The following HAGH variants were observed in gnomAD, a reference collection of about 807,000 sequenced individuals.
HAGH encodes the protein hydroxyacylglutathione hydrolase, also known as hydroxyacylglutathione hydrolase, mitochondrial.
In HAGH, 29 loss-of-function variants were observed where a neutral mutation model predicts 35.1. The observed-to-expected ratio is 0.83, with a 90% CI of 0.62 to 1.13. The LOEUF (loss-of-function observed/expected upper bound fraction) is 1.13, where lower values mean the gene tolerates loss of function less well. Ranked by LOEUF, HAGH falls within the 50% of genes most tolerant of loss-of-function variation. HAGH has a pLI of 0.00. For missense variants in HAGH, 478 were observed against 419.6 expected (o/e 1.14, Z -1.22); for synonymous variants, 225 against 176.1 (o/e 1.28, Z -2.20).
Position 1,821,371 on chromosome 16 carries a change from C to T in HAGH, c.314+929G>A, listed in dbSNP as rs1019496582. ...GAGGACCAAAGGCTTCATTTCACCC[C>T]AACACAGAGGCTGGGGAAGCCACAG... On this transcript the variant is annotated intron_variant, in intron 3 of 8. Coordinates refer to ENST00000397356, the MANE Select transcript of HAGH (RefSeq NM_005326.6). 9.3e-4 allele frequency: 141 copies of T among 152,342 alleles called. 1 individual carries two copies. The highest frequency in any genetic ancestry group is 3.3e-3 in the African/African-American group (135 of 41,446). 9.4% of individuals were successfully genotyped at this position (152,342 alleles called of 1,614,324 possible).
rs770119582 is a variant in HAGH at position 1,809,298 on chromosome 16, C to A, written c.912G>T (p.Lys304Asn). 6.2e-7 allele frequency: 1 copy of A among 1,612,196 alleles called. No individual in the cohort carries two copies. The highest frequency in any genetic ancestry group is 1.3e-5 in the African/African-American group (1 of 75,036). ...RAVRREKDQF[K>N]MPRD is the part of the protein sequence containing the mutation. The stretch of plus-strand genomic sequence containing the variant: ...CAGGGCGGCCTCAGTCCCGGGGCAT[C>A]TTGAACTGGTCCTTCTCCCTGCGCA... Residue 304 changes from lysine to asparagine, a missense_variant, in exon 9 of 9, where the codon AAG (lysine) becomes AAT (asparagine). Coordinates refer to ENST00000397356, the MANE Select transcript of HAGH (RefSeq NM_005326.6).
At position 1,818,802 on chromosome 16, in the gene HAGH, C is replaced by T. The variant is rs550181814; in HGVS notation, c.541+313G>A. Reference sequence around the variant, plus strand: ...ACTACGGCATCAAGGAACACAGCCCCAGGGCTGAGCCACCCCTCGCCCTGC... The same window carrying T: ...ACTACGGCATCAAGGAACACAGCCCTAGGGCTGAGCCACCCCTCGCCCTGC... On this transcript the variant is annotated intron_variant, in intron 5 of 8. Coordinates refer to ENST00000397356, the MANE Select transcript of HAGH (RefSeq NM_005326.6). 21 of 362,052 alleles carry T rather than the reference C, an allele frequency of 5.8e-5. No homozygotes were observed. The South Asian group carries it at 5.8e-4, about 10-fold the overall frequency. 22.4% of individuals were successfully genotyped at this position (362,052 alleles called of 1,614,324 possible). A position where few individuals can be genotyped will look rare whatever the true frequency, so the allele number is the denominator to read the frequency against.
At chr16:1,820,073 CTGAGG>C in intron 3 of HAGH, 59 bp from the exon 4 acceptor site, 1 of 907,078 alleles carries the variant, frequency 1.1e-6, no homozygotes, top group Non-Finnish European at 1.8e-6. Flanking sequence ...GCCTGCTGAG[CTGAGG>C]GGGCTGCCTG....
At position 1,813,346 on chromosome 16, in the gene HAGH, CTT is replaced by C. The variant is rs1897749903; in HGVS notation, c.748-3515_748-3514del. Among the ~76,000 whole-genome samples, 3 of 152,198 alleles carry C rather than the reference CTT, an allele frequency of 2.0e-5. No individual in the cohort carries two copies. The South Asian group carries it at 6.2e-4, about 31-fold the overall frequency. On this transcript the variant is annotated intron_variant, in intron 7 of 8. Transcript: ENST00000397356. ...AGGTGCAGACGCCCAGGCCATGCTGCTTATATAGCCTGCATAACCATGAGCCA... is the reference window on the plus strand; with the variant it reads ...AGGTGCAGACGCCCAGGCCATGCTGCATATAGCCTGCATAACCATGAGCCA...
intron 7 of HAGH, among the ~76,000 whole-genome samples, chr16:1,816,407 C>A (rs1240442239): frequency 6.6e-6 from 1 of 152,102 alleles, no homozygotes; most frequent in African/African-American, 2.4e-5. Context: ...GGAGCCCACG[C>A]CTGAGACCAC....
intron 7 of HAGH, among the ~76,000 whole-genome samples, chr16:1,811,282 C>T (rs1025784979): frequency 1.3e-5 from 2 of 152,036 alleles, no homozygotes; most frequent in African/African-American, 2.4e-5. Flanking sequence ...GGTGTGGTGG[C>T]GGGTGCCTGT....
At chr16:1,825,397 A>G (rs1357181637) in intron 1 of HAGH, among the ~76,000 whole-genome samples, 1 of 152,164 alleles carries the variant, frequency 6.6e-6, no homozygotes, top group Admixed American at 6.5e-5. Context: ...CTGAGGAAAG[A>G]CGCAGCTGGT....
chr16:1,813,251 G>A (rs1242417387), intron 7 of HAGH, among the ~76,000 whole-genome samples: 2 of 152,140 alleles, frequency 1.3e-5, no homozygotes, highest in African/African-American at 4.8e-5. Flanking sequence ...TCCTTCCTCT[G>A]GCCACATGCT....
chr16:1,811,266 C>T (rs1249615511), intron 7 of HAGH, among the ~76,000 whole-genome samples: 2 of 151,884 alleles, frequency 1.3e-5, no homozygotes, highest in Non-Finnish European at 2.9e-5. Context: ...TAGAAAAAAT[C>T]AGCCGGGTGT....
chr16:1,821,703 G>A (rs957363782), intron 3 of HAGH: 1 of 152,274 alleles, frequency 6.6e-6, no homozygotes, highest in Non-Finnish European at 1.5e-5. Context: ...CCACGATCTT[G>A]GCTCACGGCA....
At chr16:1,810,129 T>G in intron 7 of HAGH, 1 of 360,644 alleles carries the variant, frequency 2.8e-6, no homozygotes, top group Non-Finnish European at 5.2e-6. Flanking sequence ...GCTACTGCCC[T>G]CCAGCCTGGG....
intron 7 of HAGH, among the ~76,000 whole-genome samples, chr16:1,814,876 C>T (rs868422560): frequency 2.6e-5 from 4 of 151,246 alleles, no homozygotes; most frequent in South Asian, 4.2e-4. Context: ...CCAGCCTGGG[C>T]GACAGAGCAA....
At chr16:1,814,497 C>T (rs1014091243) in intron 7 of HAGH, among the ~76,000 whole-genome samples, 2 of 147,486 alleles carry the variant, frequency 1.4e-5, no homozygotes, top group African/African-American at 5.0e-5. Context: ...AAGAAACAAA[C>T]AAAAAATAAG....
chr16:1,813,023 C>T (rs942025578), intron 7 of HAGH, among the ~76,000 whole-genome samples: 2 of 152,190 alleles, frequency 1.3e-5, no homozygotes, highest in African/African-American at 2.4e-5. Context: ...CCGTCCAGCC[C>T]GGCCACTCCC....
In HAGH at chr16:1,818,155, C is replaced by T. The variant is rs1897990378; in HGVS notation, c.542-884G>A. Among the ~76,000 whole-genome samples the T allele has an allele frequency of 1.3e-5, 2 of 152,190 alleles. 1 individual carries two copies. The highest frequency in any genetic ancestry group is 4.1e-4 in the South Asian group (2 of 4,834). ...GCGAACTTGGGGCCTGGGGCTTCTG[C>T]TCCACAGGGCTGTCCTTGCGCCAGG... On this transcript the variant is annotated intron_variant, in intron 5 of 8. Transcript: ENST00000397356.
At chr16:1,826,567 G>T (rs1898435917) in intron 1 of HAGH, 145 bp downstream of exon 1, 2 of 976,728 alleles carry the variant, frequency 2.0e-6, no homozygotes, top group African/African-American at 3.9e-5. Flanking sequence ...CGCCTGCGCC[G>T]CCTCCGCTCG....
At chr16:1,819,852 T>G in intron 4 of HAGH, 45 bp downstream of exon 4, 8 of 1,236,406 alleles carry the variant, frequency 6.5e-6, no homozygotes, top group Non-Finnish European at 9.6e-6. Context: ...TCCCCCACGC[T>G]CCTGACAGGG....
intron 7 of HAGH, among the ~76,000 whole-genome samples, chr16:1,811,426 C>A (rs1897642090): frequency 6.6e-6 from 1 of 151,492 alleles, no homozygotes; most frequent in Admixed American, 6.6e-5. Flanking sequence ...AAAGAAAGAA[C>A]AACAGGCCGG....
chr16:1,817,247 C>G lies in HAGH; in HGVS notation c.566G>C (p.Cys189Ser), dbSNP rs766838982. ...FTGDTLFVAG[C>S]GKFYEGTADE... ...CGCAGTCCCTTCATAGAACTTCCCG[C>G]AGCCAGCCACAAACAAGGTGTCACC... Residue 189 changes from cysteine (C) to serine (S), a missense_variant, in exon 6 of 9, where the codon TGC becomes TCC. Cys to Ser is a moderately radical substitution (Grantham distance 112). Coordinates refer to ENST00000397356, the MANE Select transcript of HAGH (RefSeq NM_005326.6). The G allele has an allele frequency of 1.2e-5, 19 of 1,612,882 alleles. No individual in the cohort carries two copies. Among genetic ancestry groups the G allele is most frequent in the Non-Finnish European group, 1.6e-5 (19 of 1,178,912 alleles).
Sources: allele counts gnomAD v4.1 joint callset (sites outside exome capture counted in the v4.1 genomes callset), GRCh38; gene constraint gnomAD v4.1.1; transcripts MANE v1.5; gene names NCBI Gene and HGNC (gene_info 2026-07-23, HGNC 2026-07-21).